COL24A1: variants seen among roughly 807,000 people sequenced by gnomAD.
COL24A1 encodes the protein collagen type XXIV alpha 1 chain.
COL24A1 carries 224 observed loss-of-function variants against 253.9 expected under a neutral mutation model. That is an observed-to-expected ratio of 0.88 (90% confidence interval 0.79 to 0.99). The LOEUF is 0.99. Among genes scored for constraint, COL24A1 ranks in the 50% least tolerant of loss-of-function variants. COL24A1 has a pLI of 0.00. For synonymous variants in COL24A1, 685 were observed against 673.7 expected (o/e 1.02, Z -0.26); for missense variants, 2,131 against 2,068.5 (o/e 1.03, Z -0.59).
At chr1:86,139,707 G>A (rs574458107) in intron 2 of COL24A1, among the ~76,000 whole-genome samples, 166 of 152,040 alleles carry the variant, frequency 1.1e-3, no homozygotes, top group African/African-American at 3.9e-3. Context: ...ATTTTCATAT[G>A]TCTTGATCAG....
At chr1:85,812,142 G>A (rs530545057) in intron 47 of COL24A1, among the ~76,000 whole-genome samples, 14 of 152,276 alleles carry the variant, frequency 9.2e-5, no homozygotes, top group African/African-American at 2.9e-4. Context: ...GGTAATAATC[G>A]AATTCACTGA....
At chr1:85,992,092 G>T (rs367966684) in intron 19 of COL24A1, among the ~76,000 whole-genome samples, 1 of 151,278 alleles carries the variant, frequency 6.6e-6, no homozygotes, top group African/African-American at 2.4e-5. Flanking sequence ...CCCACAACAG[G>T]CCCCAGTGTG....
chr1:85,933,097 AAAAAG>A (rs869222036), intron 24 of COL24A1, among the ~76,000 whole-genome samples: 1,923 of 88,814 alleles, frequency 0.022, 30 homozygotes, highest in African/African-American at 0.067. Context: ...TAAAAAAAAA[AAAAAG>A]AAAGAAAGAA....
chr1:85,926,116 C>T (rs980198340), intron 24 of COL24A1, among the ~76,000 whole-genome samples: 2 of 152,128 alleles, frequency 1.3e-5, no homozygotes, highest in Non-Finnish European at 2.9e-5. Context: ...AAATCAAAAC[C>T]ACAATGAGAT....
intron 19 of COL24A1, among the ~76,000 whole-genome samples, chr1:86,001,892 A>G (rs1401440349): frequency 6.6e-6 from 1 of 152,170 alleles, no homozygotes; most frequent in Non-Finnish European, 1.5e-5. Flanking sequence ...ATTTTATCAA[A>G]CCTAATCAAA....
At chr1:85,841,874 C>G (rs1676652061) in intron 41 of COL24A1, among the ~76,000 whole-genome samples, 194 bp downstream of exon 41, 1 of 152,054 alleles carries the variant, frequency 6.6e-6, no homozygotes, top group Admixed American at 6.6e-5. Context: ...TTGAAACAAC[C>G]CATGGAAGAT....
chr1:86,132,521 C>A (rs1169886481), intron 2 of COL24A1, among the ~76,000 whole-genome samples: 2 of 152,046 alleles, frequency 1.3e-5, no homozygotes, highest in African/African-American at 4.8e-5. Context: ...AGTCTTTAAT[C>A]CATCTTGAAT....
chr1:86,119,976 G>T (rs1303728437), intron 3 of COL24A1, among the ~76,000 whole-genome samples: 1 of 152,142 alleles, frequency 6.6e-6, no homozygotes, highest in Non-Finnish European at 1.5e-5. Flanking sequence ...AGAGGCCTTA[G>T]AAATAACACC....
At chr1:85,856,949 T>C (rs1678500361) in intron 37 of COL24A1, among the ~76,000 whole-genome samples, 1 of 151,764 alleles carries the variant, frequency 6.6e-6, no homozygotes, top group African/African-American at 2.4e-5. Flanking sequence ...TTTTACTAGA[T>C]GATAGAAGGA....
chr1:86,121,439 A>G (rs1452104614), intron 3 of COL24A1, among the ~76,000 whole-genome samples: 2 of 152,142 alleles, frequency 1.3e-5, no homozygotes, highest in Admixed American at 6.6e-5. Flanking sequence ...TACTCCATAC[A>G]ACAGATAAAG....
chr1:86,125,141 G>C lies in COL24A1; in HGVS notation c.1195C>G (p.Gln399Glu), dbSNP rs771895630. 3.7e-6 allele frequency: 6 copies of C among 1,613,348 alleles called. No homozygotes were observed. The highest frequency in any genetic ancestry group is 5.1e-6 in the Non-Finnish European group (6 of 1,179,706). ...LFKKMPSILP[Q>E]IKQDTITNLK... ...TTAGTAATTGTATCTTGTTTAATTT[G>C]TGGAAGAATAGATGGCATCTTCTTA... The change falls in exon 3 of 60, where the codon CAA becomes GAA. Residue 399 changes from glutamine to glutamate, a missense_variant. Transcript: ENST00000370571.
rs1302366204 is a variant in COL24A1 at position 86,102,276 on chromosome 1, CT to C, written c.1600-9957del. ...AATTGTGTTTATATGAATCTTTTCT[CT>C]TCCTTTTTATTAGTCTAGCTAGCAG... is the stretch of plus-strand genomic sequence containing the variant. On this transcript the variant is annotated intron_variant, in intron 5 of 59. Coordinates refer to ENST00000370571, the MANE Select transcript of COL24A1 (RefSeq NM_152890.7). 7.2e-5 allele frequency among the ~76,000 whole-genome samples: 11 copies of C among 152,044 alleles called. 1 individual carries two copies. In the South Asian group the frequency reaches 1.9e-3, roughly 26 times the overall value.
intron 32 of COL24A1, among the ~76,000 whole-genome samples, chr1:85,884,004 C>T (rs748414506): frequency 1.4e-4 from 21 of 152,140 alleles, no homozygotes; most frequent in Non-Finnish European, 2.2e-4. Flanking sequence ...TTTATTCCTT[C>T]GCCAACACTC....
At chr1:85,912,097 G>A (rs1685426037) in intron 24 of COL24A1, among the ~76,000 whole-genome samples, 1 of 152,146 alleles carries the variant, frequency 6.6e-6, no homozygotes, top group African/African-American at 2.4e-5. Context: ...AGCACAGATG[G>A]TCAGGGAAGA....
intron 55 of COL24A1, among the ~76,000 whole-genome samples, chr1:85,755,916 A>AC (rs1666192156): frequency 2.5e-5 from 1 of 39,848 alleles, no homozygotes; most frequent in African/African-American, 5.0e-5. Flanking sequence ...AGAAAAAAAA[A>AC]AAAACTTCTG....
Position 85,745,556 on chromosome 1 carries a change from G to C in COL24A1, c.4438-50C>G, listed in dbSNP as rs550863773. Reference sequence around the variant, plus strand: ...ATTAGCAATAAGATCAACACTGAGTGCCCTAAAGTAAAGGCTGTAAATTCT... The same window carrying C: ...ATTAGCAATAAGATCAACACTGAGTCCCCTAAAGTAAAGGCTGTAAATTCT... On this transcript the variant is annotated intron_variant, in intron 55 of 59. Coordinates refer to ENST00000370571, the MANE Select transcript of COL24A1 (RefSeq NM_152890.7). 4.0e-5 allele frequency: 54 copies of C among 1,351,802 alleles called. No individual in the cohort carries two copies. In the South Asian group the frequency reaches 6.6e-4, roughly 17 times the overall value. 83.7% of individuals were successfully genotyped at this position (1,351,802 alleles called of 1,614,324 possible). A position where few individuals can be genotyped will look rare whatever the true frequency, so the allele number is the denominator to read the frequency against.
In COL24A1 at chr1:85,997,039, A is replaced by ATGTGTGTGTGTGTGTGTGTGTGTG. The variant is rs1491173763; in HGVS notation, c.2311-9386_2311-9385insCACACACACACACACACACACACA. On this transcript the variant is annotated intron_variant, in intron 19 of 59. Coordinates refer to ENST00000370571, the MANE Select transcript of COL24A1 (RefSeq NM_152890.7). The stretch of plus-strand genomic sequence containing the variant: ...TATATGTGTGTGTGTATATATATAT[A>ATGTGTGTGTGTGTGTGTGTGTGTG]TATGTGTGTGTGTGTGTATATATAT... Among the ~76,000 whole-genome samples, 83 of 48,414 alleles carry ATGTGTGTGTGTGTGTGTGTGTGTG rather than the reference A, an allele frequency of 1.7e-3. 5 individuals are homozygous for ATGTGTGTGTGTGTGTGTGTGTGTG. Among genetic ancestry groups the ATGTGTGTGTGTGTGTGTGTGTGTG allele is most frequent in the South Asian group, 4.8e-3 (8 of 1,680 alleles). The allele number at this position is 48,414 out of a possible 152,430, so 31.8% of individuals were successfully genotyped here.
chr1:85,902,870 T>C (rs545571353), intron 28 of COL24A1, among the ~76,000 whole-genome samples: 3 of 152,288 alleles, frequency 2.0e-5, no homozygotes, highest in African/African-American at 4.8e-5. Flanking sequence ...TTAGCAATAA[T>C]TTATTGTATA....
At chr1:85,945,004 T>G (rs1412559762) in intron 24 of COL24A1, among the ~76,000 whole-genome samples, 2 of 41,166 alleles carry the variant, frequency 4.9e-5, no homozygotes, top group Non-Finnish European at 9.3e-5. Context: ...ATCATTGTGT[T>G]TTTTTTTTTT....
Sources: allele counts gnomAD v4.1 joint callset (sites outside exome capture counted in the v4.1 genomes callset), GRCh38; gene constraint gnomAD v4.1.1; transcripts MANE v1.5; gene names NCBI Gene and HGNC (gene_info 2026-07-23, HGNC 2026-07-21).